Variants in HOXA3 observed in about 807,000 individuals in gnomAD.
HOXA3 encodes the protein homeobox A3.
HOXA3 carries 8 observed loss-of-function variants against 30.3 expected under a neutral mutation model. The observed-to-expected ratio is 0.26, with a 90% confidence interval of 0.15 to 0.48. HOXA3 has a LOEUF of 0.48. Ranked by LOEUF, HOXA3 falls within the 20% of genes least tolerant of loss-of-function variation. The pLI, the probability that HOXA3 is intolerant of heterozygous loss-of-function variation, is 0.99. For missense variants in HOXA3, 653 were observed against 614.4 expected (o/e 1.06, Z -0.66); for synonymous variants, 323 against 273.1 (o/e 1.18, Z -1.80).
intron 1 of HOXA3, chr7:27,142,075 G>T (rs775805363): frequency 1.2e-6 from 2 of 1,613,304 alleles, no homozygotes. Flanking sequence ...CTTCCGGGCC[G>T]CCTATGTTGT....
intron 4 of HOXA3, chr7:27,121,891 T>G (rs775183251): frequency 2.0e-5 from 3 of 152,706 alleles, no homozygotes; most frequent in Non-Finnish European, 4.4e-5. Context: ...GAAAATAATT[T>G]AAAAGAGTTT....
chr7:27,110,474 GA>G lies in HOXA3; in HGVS notation c.166del (p.Ser56ProfsTer12). 6.2e-7 allele frequency: 1 copy of G among 1,600,968 alleles called. No homozygotes were observed. The highest frequency in any genetic ancestry group is 8.5e-7 in the Non-Finnish European group (1 of 1,171,656). On this transcript the variant is annotated frameshift_variant, in exon 5 of 6. Transcript: ENST00000612286. LOFTEE classifies it high-confidence loss of function. ...HRPACSLQSPSSAGGHPKAHE... is the reference protein window; with the variant it reads ...HRPACSLQSPXSAGGHPKAHE... ...TGCCTTGGGGTGGCCCCCGGCGCTG[GA>G]GGGAGACTGGAGGGAGCAGGCGGGT...
Position 27,130,856 on chromosome 7 carries a change from C to A in HOXA3, c.-389-3786G>T, listed in dbSNP as rs1421269634. On this transcript the variant is annotated intron_variant, in intron 2 of 5. Coordinates refer to ENST00000612286, the MANE Select transcript of HOXA3 (RefSeq NM_153631.3). Reference sequence around the variant, plus strand: ...TTTCCTCTGCGCCCTTCCCCTCCCCCCGCTGTCAAGTGCCCACTCCTCCCC... The same window carrying A: ...TTTCCTCTGCGCCCTTCCCCTCCCCACGCTGTCAAGTGCCCACTCCTCCCC... 2.2e-5 allele frequency: 22 copies of A among 1,017,552 alleles called. No individual in the cohort carries two copies. In the South Asian group the frequency reaches 2.6e-4, roughly 12 times the overall value. 63.0% of individuals were successfully genotyped at this position (1,017,552 alleles called of 1,614,324 possible). A position where few individuals can be genotyped will look rare whatever the true frequency, so the allele number is the denominator to read the frequency against.
chr7:27,129,757 G>C (rs1462599772), intron 2 of HOXA3, among the ~76,000 whole-genome samples: 3 of 152,208 alleles, frequency 2.0e-5, no homozygotes, highest in Non-Finnish European at 4.4e-5. Flanking sequence ...TATTGACAAC[G>C]GGAAACACCC....
At chr7:27,131,693 C>T (rs546447746) in intron 2 of HOXA3, among the ~76,000 whole-genome samples, 1 of 152,132 alleles carries the variant, frequency 6.6e-6, no homozygotes, top group East Asian at 1.9e-4. Flanking sequence ...TCCACAGAAC[C>T]GAGCTTTGAA....
chr7:27,145,041 T>C (rs1179930240), intron 1 of HOXA3, among the ~76,000 whole-genome samples: 1 of 152,172 alleles, frequency 6.6e-6, no homozygotes, highest in Non-Finnish European at 1.5e-5. Flanking sequence ...CCACTGACGG[T>C]TGCACACGCG....
At position 27,107,637 on chromosome 7, in the gene HOXA3, G is replaced by T; in HGVS notation, c.*278C>A. 2.8e-6 allele frequency: 1 copy of T among 361,258 alleles called. No homozygotes were observed. The highest frequency in any genetic ancestry group is 4.9e-6 in the Non-Finnish European group (1 of 203,230). 22.4% of individuals were successfully genotyped at this position (361,258 alleles called of 1,614,324 possible). On this transcript the variant is annotated 3_prime_UTR_variant, in exon 6 of 6. Coordinates refer to ENST00000612286, the MANE Select transcript of HOXA3 (RefSeq NM_153631.3). ...CTGTTTCTGATCAAAGAGTGGAGAA[G>T]GTAAAGGGTGCAGGGCCAGTGGCCT... is the stretch of plus-strand genomic sequence containing the variant.
chr7:27,114,576 A>G (rs1784569905), intron 4 of HOXA3, among the ~76,000 whole-genome samples: 1 of 151,278 alleles, frequency 6.6e-6, no homozygotes, highest in Non-Finnish European at 1.5e-5. Context: ...CCTGGGAGAG[A>G]CAGGTACTTG....
chr7:27,148,103 T>A (rs1342055236), intron 1 of HOXA3, among the ~76,000 whole-genome samples: 1 of 152,266 alleles, frequency 6.6e-6, no homozygotes, highest in African/African-American at 2.4e-5. Context: ...GGGACACTAA[T>A]GCTTGGGCCG....
intron 1 of HOXA3, chr7:27,141,742 A>G: frequency 6.7e-7 from 1 of 1,487,026 alleles, no homozygotes; most frequent in Middle Eastern, 2.5e-4. Flanking sequence ...GCTTCTTCAC[A>G]GAAGGAACAC....
intron 4 of HOXA3, among the ~76,000 whole-genome samples, chr7:27,114,147 G>C (rs1313985920): frequency 2.0e-5 from 3 of 151,756 alleles, no homozygotes; most frequent in Non-Finnish European, 1.5e-5. Context: ...ACCGGAGGGA[G>C]AAGGGGAGCT....
intron 1 of HOXA3, chr7:27,151,285 T>C: frequency 3.3e-6 from 1 of 299,816 alleles, no homozygotes; most frequent in Non-Finnish European, 6.6e-6. Context: ...TAGGCCGAGC[T>C]ACAGTTCGAG....
chr7:27,135,243 A>G lies in HOXA3; in HGVS notation c.-390+4840T>C, dbSNP rs73288599. Among the ~76,000 whole-genome samples, 647 of 151,778 alleles carry G rather than the reference A, an allele frequency of 4.3e-3. 6 individuals are homozygous for G. The highest frequency in any genetic ancestry group is 0.015 in the African/African-American group (626 of 41,366). On this transcript the variant is annotated intron_variant, in intron 2 of 5. Transcript: ENST00000612286. ...CATTCTGAAGAATAGAAAATATTCT[A>G]TTCTGTCCTGGTGGTCTTACAGAGT...
intron 2 of HOXA3, chr7:27,130,619 C>G (rs781430639): frequency 1.5e-5 from 24 of 1,558,730 alleles, no homozygotes; most frequent in Non-Finnish European, 2.1e-5. Context: ...TAGCCGGGGC[C>G]CCCGCCCGGG....
intron 4 of HOXA3, chr7:27,121,853 AC>A (rs1785026970): frequency 1.3e-5 from 2 of 152,650 alleles, no homozygotes; most frequent in Non-Finnish European, 2.9e-5. Flanking sequence ...TGCATCCCAA[AC>A]TAAGAGGACA....
chr7:27,140,097 A>T lies in HOXA3; in HGVS notation c.-404T>A, dbSNP rs1037249279. Reference sequence around the variant, plus strand: ...GGCGAGCTTACCTTAACTCGGAGGGAGCCATTTTTCAGAGAGTTTTGAGAA... The same window carrying T: ...GGCGAGCTTACCTTAACTCGGAGGGTGCCATTTTTCAGAGAGTTTTGAGAA... On this transcript the variant is annotated 5_prime_UTR_variant, in exon 2 of 6. Coordinates refer to ENST00000612286, the MANE Select transcript of HOXA3 (RefSeq NM_153631.3). 1 of 151,860 alleles carries T rather than the reference A, an allele frequency of 6.6e-6. No individual in the cohort carries two copies. The highest frequency in any genetic ancestry group is 1.9e-4 in the East Asian group (1 of 5,150). The allele number at this position is 151,860 out of a possible 1,614,324, so 9.4% of individuals were successfully genotyped here. A position where few individuals can be genotyped will look rare whatever the true frequency, so the allele number is the denominator to read the frequency against.
rs1784116523 is a variant in HOXA3, at chr7:27,108,026, G to A, written c.1221C>T (p.Gly407=). Residue 407 remains glycine (G), a synonymous_variant, in exon 6 of 6, where the codon GGC becomes GGT. Transcript: ENST00000612286. The surrounding 1 kb of genome is among the most constrained non-coding windows in gnomAD (Gnocchi z 5.0). ...CCCCAGGCCCCGGCCCGTGGTGGTGGCCGCTGCCCAGCGGCCCGGCACCCC... is the reference window on the plus strand; with the variant it reads ...CCCCAGGCCCCGGCCCGTGGTGGTGACCGCTGCCCAGCGGCCCGGCACCCC... The part of the protein sequence containing the change: ...DYGGAGPLGS[G]HHHGPGPGEP... 1 of 1,612,812 alleles carries A rather than the reference G, an allele frequency of 6.2e-7. No individual in the cohort carries two copies. Among genetic ancestry groups the A allele is most frequent in the Non-Finnish European group, 8.5e-7 (1 of 1,179,268 alleles).
intron 2 of HOXA3, among the ~76,000 whole-genome samples, chr7:27,127,917 C>T (rs1392121528): frequency 1.3e-5 from 2 of 152,130 alleles, no homozygotes; most frequent in Admixed American, 6.5e-5. Flanking sequence ...TTTGAAAGCT[C>T]TTTCTTCAAA....
chr7:27,142,647 C>T (rs1782612351), intron 1 of HOXA3: 1 of 215,868 alleles, frequency 4.6e-6, no homozygotes, highest in African/African-American at 2.3e-5. Context: ...ATTAGTAACG[C>T]TGTTTCCCCA....
Sources: gnomAD v4.1 joint callset for allele counts (sites outside exome capture counted in the v4.1 genomes callset) on GRCh38, gnomAD v4.1.1 for gene constraint, Gnocchi (gnomAD v3.1) non-coding constraint, MANE v1.5 for transcripts, NCBI Gene and HGNC (gene_info 2026-07-23, HGNC 2026-07-21) for gene names.